The following DMBT1 variants were observed in gnomAD, a reference collection of about 807,000 sequenced individuals.
DMBT1 encodes scavenger receptor cysteine-rich domain-containing protein DMBT1.
DMBT1 carries 198 observed loss-of-function variants against 252.9 expected under a neutral mutation model. That is an observed-to-expected ratio of 0.78 (90% CI 0.70 to 0.88). The LOEUF is 0.88. Among genes scored for constraint, DMBT1 ranks in the 40% least tolerant of loss-of-function variants. The pLI, the probability that DMBT1 is intolerant of heterozygous loss-of-function variation, is 0.00. For missense variants in DMBT1, 2,432 were observed against 2,404.7 expected (o/e 1.01, Z -0.24); for synonymous variants, 990 against 942.7 (o/e 1.05, Z -0.92).
intron 1 of DMBT1, among the ~76,000 whole-genome samples, chr10:122,564,344 C>T (rs1412359596): frequency 6.6e-6 from 1 of 152,202 alleles, no homozygotes; most frequent in Non-Finnish European, 1.5e-5. Flanking sequence ...TGACACATGC[C>T]TGTAGTTCCA....
chr10:122,634,368 C>CTT (rs1555030082), intron 52 of DMBT1, among the ~76,000 whole-genome samples: 80 of 126,626 alleles, frequency 6.3e-4, no homozygotes, highest in Middle Eastern at 7.6e-3. Flanking sequence ...TTCTTTCTTT[C>CTT]TTTCTTTCTT....
intron 8 of DMBT1, 33 bp from the exon 9 acceptor site, chr10:122,578,685 A>G (rs756899893): frequency 6.3e-7 from 1 of 1,587,374 alleles, no homozygotes; most frequent in African/African-American, 1.3e-5. Context: ...CTTCAAGTCC[A>G]ATTGTATCCT....
chr10:122,584,589 T>C lies in DMBT1; in HGVS notation c.1420+238T>C, dbSNP rs1357924407. On this transcript the variant is annotated intron_variant, in intron 14 of 55. Coordinates refer to ENST00000338354, the MANE Select transcript of DMBT1 (RefSeq NM_001377530.1). ...ATGAAGCAGTTTCATACTGTCCCAGTGGCCAACCCTTAGAGGTTTAGGAAG... is the reference window on the plus strand; with the variant it reads ...ATGAAGCAGTTTCATACTGTCCCAGCGGCCAACCCTTAGAGGTTTAGGAAG... Among the ~76,000 whole-genome samples the C allele has an allele frequency of 1.6e-4, 24 of 148,888 alleles. 3 individuals carry two copies. Among genetic ancestry groups the C allele is most frequent in the Admixed American group, 1.3e-3 (19 of 15,032 alleles).
chr10:122,631,849 T>C lies in DMBT1; in HGVS notation c.6347-6T>C. 1 of 1,613,902 alleles carries C rather than the reference T, an allele frequency of 6.2e-7. No homozygotes were observed. The highest frequency in any genetic ancestry group is 8.5e-7 in the Non-Finnish European group (1 of 1,179,840). ...GACCTATGCTTTTTTTCTATTCCTT[T>C]TTCAGGAAACCATCTATCGACACCT... is the stretch of plus-strand genomic sequence containing the variant. On this transcript the variant is annotated splice_polypyrimidine_tract_variant and splice_region_variant and intron_variant, in intron 49 of 55. Transcript: ENST00000338354.
chr10:122,575,811 G>T (rs941259170), intron 6 of DMBT1, among the ~76,000 whole-genome samples: 1 of 152,192 alleles, frequency 6.6e-6, no homozygotes, highest in African/African-American at 2.4e-5. Flanking sequence ...GGAGAAATCA[G>T]TCAGAATATG....
intron 52 of DMBT1, among the ~76,000 whole-genome samples, chr10:122,635,712 C>T (rs573978906): frequency 1.2e-4 from 19 of 152,142 alleles, no homozygotes; most frequent in South Asian, 4.1e-4. Flanking sequence ...TGTGCCACCA[C>T]GCCCGGCTAA....
intron 27 of DMBT1, 89 bp downstream of exon 27, chr10:122,600,182 G>A (rs2097932047): frequency 6.6e-7 from 1 of 1,509,090 alleles, no homozygotes; most frequent in Non-Finnish European, 9.0e-7. Flanking sequence ...CTGTTTCTCT[G>A]TGTGGATACT....
chr10:122,572,162 C>A (rs1254248292), intron 4 of DMBT1, among the ~76,000 whole-genome samples, 152 bp from the exon 5 acceptor site: 3 of 152,194 alleles, frequency 2.0e-5, no homozygotes, highest in Non-Finnish European at 4.4e-5. Flanking sequence ...AGTACAGTGA[C>A]AGAGTGATTG....
chr10:122,589,305 A>G, intron 17 of DMBT1, 38 bp downstream of exon 17: 1 of 1,587,266 alleles, frequency 6.3e-7, no homozygotes, highest in Non-Finnish European at 8.6e-7. Context: ...CTCTTGGGGT[A>G]GATTTTGCCC....
rs534546935 is a variant in DMBT1, at chr10:122,598,754, A to G, written c.2957-20A>G. On this transcript the variant is annotated intron_variant, in intron 25 of 55. Transcript: ENST00000338354. The stretch of plus-strand genomic sequence containing the variant: ...ACCTCATGATAGGGATGGATGAAGG[A>G]TTCTTGTGTTCCCCTGTAGGATCTG... 119 of 1,612,560 alleles carry G rather than the reference A, an allele frequency of 7.4e-5. 1 individual carries two copies. In the East Asian group the frequency reaches 1.3e-3, roughly 18 times the overall value.
At chr10:122,600,001 C>T (rs1035190352) in intron 26 of DMBT1, 63 bp from the exon 27 acceptor site, 26 of 1,589,230 alleles carry the variant, frequency 1.6e-5, no homozygotes, top group South Asian at 3.3e-5. Flanking sequence ...TTTCCCTCCT[C>T]GTTCCACTTT....
chr10:122,590,763 A>T lies in DMBT1; in HGVS notation c.2137+69A>T, dbSNP rs1178865843. The T allele has an allele frequency of 8.5e-6, 13 of 1,536,764 alleles. 2 individuals carry two copies. Among genetic ancestry groups the T allele is most frequent in the African/African-American group, 1.4e-5 (1 of 73,910 alleles). ...GCACAATTATCCTTTTTCCCATTCC[A>T]CAGAGCCCTCCTTCTTACCTGTGTG... On this transcript the variant is annotated intron_variant, in intron 18 of 55. Transcript: ENST00000338354.
chr10:122,598,659 G>A (rs925891081), intron 25 of DMBT1, 115 bp from the exon 26 acceptor site: 34 of 1,565,402 alleles, frequency 2.2e-5, no homozygotes. Flanking sequence ...ATATTCAAAG[G>A]TGACTGCCTG....
chr10:122,565,525 TG>T (rs1258382094), intron 1 of DMBT1, among the ~76,000 whole-genome samples: 12 of 152,286 alleles, frequency 7.9e-5, no homozygotes, highest in Non-Finnish European at 1.8e-4. Context: ...TGGAATAAAA[TG>T]TTTTCAGGTT....
At position 122,589,063 on chromosome 10, in the gene DMBT1, G is replaced by A. The variant is rs186303194; in HGVS notation, c.1903G>A (p.Asp635Asn). The A allele has an allele frequency of 7.8e-4, 1,243 of 1,588,910 alleles. 112 individuals carry two copies. Among genetic ancestry groups the A allele is most frequent in the Middle Eastern group, 2.3e-3 (14 of 6,010 alleles). ...GTGTGATGACAGCTGGGACACCAAT[G>A]ATGCCAATGTGGTCTGCAGGCAGCT... ...TVCDDSWDTN[D>N]ANVVCRQLGC... Residue 635 changes from aspartate to asparagine, a missense_variant, in exon 17 of 56, where the codon GAT (aspartate) becomes AAT (asparagine). Transcript: ENST00000338354.
At chr10:122,638,331 C>CTGTT (rs1843863914) in intron 54 of DMBT1, among the ~76,000 whole-genome samples, 1 of 152,232 alleles carries the variant, frequency 6.6e-6, no homozygotes, top group Admixed American at 6.5e-5. Context: ...CCATTCACAC[C>CTGTT]CGTTTGGAGC....
At chr10:122,575,816 A>T (rs1404895595) in intron 6 of DMBT1, among the ~76,000 whole-genome samples, 1 of 152,168 alleles carries the variant, frequency 6.6e-6, no homozygotes, top group Non-Finnish European at 1.5e-5. Flanking sequence ...AATCAGTCAG[A>T]ATATGGTGTC....
Position 122,643,423 on chromosome 10 carries a change from C to G in DMBT1, c.*25C>G, listed in dbSNP as rs754616943. 2.8e-5 allele frequency: 45 copies of G among 1,595,878 alleles called. No individual in the cohort carries two copies. The highest frequency in any genetic ancestry group is 1.8e-4 in the Middle Eastern group (1 of 5,596). On this transcript the variant is annotated 3_prime_UTR_variant, in exon 56 of 56. Coordinates refer to ENST00000338354, the MANE Select transcript of DMBT1 (RefSeq NM_001377530.1). ...GGTGGTCGCTCTCAGACCCCACTGT[C>G]CACCGGGGCGCAGACCCCTGACTCG...
chr10:122,592,741 G>C, intron 20 of DMBT1, 146 bp downstream of exon 20: 1 of 1,415,294 alleles, frequency 7.1e-7, no homozygotes, highest in Non-Finnish European at 9.4e-7. Flanking sequence ...CTAAGGATCT[G>C]TATGAATTTT....
Sources: allele counts gnomAD v4.1 joint callset (sites outside exome capture counted in the v4.1 genomes callset), GRCh38; gene constraint gnomAD v4.1.1; transcripts MANE v1.5; gene names NCBI Gene and HGNC (gene_info 2026-07-23, HGNC 2026-07-21).